The following NUDT9 variants were observed in gnomAD, a reference collection of about 807,000 sequenced individuals.
NUDT9 encodes the protein nudix hydrolase 9, also known as ADP-ribose pyrophosphatase.
Under a neutral mutation model 41.0 loss-of-function variants are expected in NUDT9, and 31 were observed. That is an observed-to-expected ratio of 0.76 (90% CI 0.57 to 1.02). The LOEUF is 1.02. NUDT9 is among the 50% of genes least tolerant of loss of function. The pLI, the probability that NUDT9 is intolerant of heterozygous loss-of-function variation, is 0.00. For synonymous variants in NUDT9, 146 were observed against 147.6 expected (o/e 0.99, Z 0.08); for missense variants, 380 against 431.4 (o/e 0.88, Z 1.06).
At chr4:87,427,261 G>T (rs1721470912) in intron 1 of NUDT9, among the ~76,000 whole-genome samples, 1 of 152,014 alleles carries the variant, frequency 6.6e-6, no homozygotes, top group Admixed American at 6.5e-5. Context: ...GACAATGATT[G>T]TTGCAGATTT....
rs537515713 is a variant in NUDT9, at chr4:87,435,930, T to A, written c.347+710T>A. Among the ~76,000 whole-genome samples the A allele has an allele frequency of 3.0e-4, 46 of 152,340 alleles. 1 individual carries two copies. In the South Asian group the frequency reaches 9.1e-3, roughly 30 times the overall value. ...AAAATAATCTTACATGGTTACCTTT[T>A]TTGTGTGTGTAGTGAGAAGAGTTGA... On this transcript the variant is annotated intron_variant, in intron 2 of 7. Transcript: ENST00000302174.
chr4:87,452,202 C>G (rs1367327695), intron 6 of NUDT9, among the ~76,000 whole-genome samples: 1 of 152,058 alleles, frequency 6.6e-6, no homozygotes, highest in Non-Finnish European at 1.5e-5. Flanking sequence ...AGGGTTTCAC[C>G]ATGTTGGCCA....
chr4:87,452,507 G>T (rs1373079015), intron 6 of NUDT9, among the ~76,000 whole-genome samples: 1 of 152,144 alleles, frequency 6.6e-6, no homozygotes, highest in Non-Finnish European at 1.5e-5. Context: ...AGGCTGGAGT[G>T]CAGTGGTGTT....
chr4:87,454,154 C>T (rs375153668), intron 6 of NUDT9, among the ~76,000 whole-genome samples: 76 of 152,214 alleles, frequency 5.0e-4, no homozygotes, highest in East Asian at 1.9e-3. Flanking sequence ...TGAGCCACCG[C>T]GCCCGGCTAT....
At chr4:87,445,718 T>C (rs1356142200) in intron 4 of NUDT9, among the ~76,000 whole-genome samples, 1 of 152,214 alleles carries the variant, frequency 6.6e-6, no homozygotes, top group African/African-American at 2.4e-5. Context: ...AGTAAATGTT[T>C]ATTAGGTTCG....
rs115801371 is a variant in NUDT9, at chr4:87,425,673, G to A, written c.107+2661G>A. ...GCCTCTCAAAGTGCTGGTGAATACA[G>A]GTGTGAGCCCCCACGCCTGGCCAAG... is the stretch of plus-strand genomic sequence containing the variant. On this transcript the variant is annotated intron_variant, in intron 1 of 7. Coordinates refer to ENST00000302174, the MANE Select transcript of NUDT9 (RefSeq NM_024047.5). 9.7e-3 allele frequency among the ~76,000 whole-genome samples: 1,419 copies of A among 146,248 alleles called. 18 individuals are homozygous for A. Among genetic ancestry groups the A allele is most frequent in the African/African-American group, 0.029 (1,161 of 39,726 alleles).
rs1722710748 is a variant in NUDT9, at chr4:87,451,596, T to C, written c.650T>C (p.Val217Ala). ...CGEWAIPGGMVDPGEKISATL... is the reference protein window; with the variant it reads ...CGEWAIPGGMADPGEKISATL... ...TTTTAATGTGACTCTTAGGGGATGGTGGATCCAGGAGAGAAGATTAGTGCC... is the reference window on the plus strand; with the variant it reads ...TTTTAATGTGACTCTTAGGGGATGGCGGATCCAGGAGAGAAGATTAGTGCC... Residue 217 changes from valine to alanine, a missense_variant, in exon 6 of 8, where the codon GTG becomes GCG. Transcript: ENST00000302174. 4 of 1,611,208 alleles carry C rather than the reference T, an allele frequency of 2.5e-6. No individual in the cohort carries two copies. Among genetic ancestry groups the C allele is most frequent in the Non-Finnish European group, 3.4e-6 (4 of 1,179,248 alleles).
chr4:87,423,447 T>C (rs1560784319), intron 1 of NUDT9, among the ~76,000 whole-genome samples: 1 of 152,168 alleles, frequency 6.6e-6, no homozygotes, highest in Non-Finnish European at 1.5e-5. Context: ...ATATTTACTA[T>C]CTACCTCCTT....
At chr4:87,439,794 G>A (rs1722121615) in intron 3 of NUDT9, among the ~76,000 whole-genome samples, 1 of 152,194 alleles carries the variant, frequency 6.6e-6, no homozygotes, top group Admixed American at 6.5e-5. Flanking sequence ...ATTAAAATTT[G>A]AGGTGAGATT....
chr4:87,453,883 G>A (rs1722869175), intron 6 of NUDT9, among the ~76,000 whole-genome samples: 1 of 135,192 alleles, frequency 7.4e-6, no homozygotes, highest in East Asian at 2.1e-4. Context: ...TTTTGAGACA[G>A]AGTCTCGCTG....
intron 1 of NUDT9, among the ~76,000 whole-genome samples, chr4:87,427,987 C>T (rs1230784935): frequency 6.6e-6 from 1 of 152,026 alleles, no homozygotes; most frequent in Non-Finnish European, 1.5e-5. Flanking sequence ...GTGTAGGTTT[C>T]CTAAACTGTG....
At chr4:87,435,387 A>G (rs886587554) in intron 2 of NUDT9, among the ~76,000 whole-genome samples, 167 bp downstream of exon 2, 1 of 152,206 alleles carries the variant, frequency 6.6e-6, no homozygotes, top group Non-Finnish European at 1.5e-5. Flanking sequence ...TAAACAGTTC[A>G]TATTTGTTTA....
At chr4:87,453,324 A>G (rs567865010) in intron 6 of NUDT9, among the ~76,000 whole-genome samples, 3 of 152,364 alleles carry the variant, frequency 2.0e-5, no homozygotes, top group African/African-American at 7.2e-5. Context: ...TTCAGAAACT[A>G]TAATCACAGA....
chr4:87,448,895 C>A (rs1399750398), intron 4 of NUDT9, among the ~76,000 whole-genome samples: 1 of 151,996 alleles, frequency 6.6e-6, no homozygotes, highest in Non-Finnish European at 1.5e-5. Context: ...TTGTTTATAT[C>A]CTGAATTTTC....
In NUDT9 at chr4:87,457,928, T is replaced by C. The variant is rs769561859; in HGVS notation, c.960T>C (p.Leu320=). The change falls in exon 8 of 8, where the codon CTT becomes CTC. Residue 320 remains leucine, a synonymous_variant. Transcript: ENST00000302174. ...TGGACATCAATGATAAACTGAAGCT[T>C]TATGCCAGTCACTCTCAATTCATCA... ...KWVDINDKLK[L]YASHSQFIKL... is the part of the protein sequence containing the mutation. The C allele has an allele frequency of 6.2e-7, 1 of 1,606,156 alleles. No individual in the cohort carries two copies. The highest frequency in any genetic ancestry group is 1.1e-5 in the South Asian group (1 of 89,894).
chr4:87,456,716 T>A (rs1723006383), intron 7 of NUDT9, among the ~76,000 whole-genome samples: 1 of 152,180 alleles, frequency 6.6e-6, no homozygotes, highest in African/African-American at 2.4e-5. Context: ...GTTGTGATTC[T>A]CTGTATTTGC....
intron 1 of NUDT9, among the ~76,000 whole-genome samples, chr4:87,428,993 T>C (rs1266324892): frequency 2.0e-5 from 3 of 152,168 alleles, no homozygotes; most frequent in African/African-American, 4.8e-5. Flanking sequence ...TCAACTCTTA[T>C]GGAATTGTAC....
At chr4:87,440,616 G>A (rs1219747523) in intron 3 of NUDT9, among the ~76,000 whole-genome samples, 1 of 152,192 alleles carries the variant, frequency 6.6e-6, no homozygotes, top group Non-Finnish European at 1.5e-5. Context: ...GGGAGGCTGA[G>A]GCGGGTGGAT....
chr4:87,444,944 T>G (rs1722380261), intron 4 of NUDT9, among the ~76,000 whole-genome samples: 1 of 152,208 alleles, frequency 6.6e-6, no homozygotes, highest in Admixed American at 6.5e-5. Flanking sequence ...AGTAATGCAT[T>G]AATTAATAAA....
Sources: gnomAD v4.1 joint callset for allele counts (sites outside exome capture counted in the v4.1 genomes callset) on GRCh38, gnomAD v4.1.1 for gene constraint, MANE v1.5 for transcripts, NCBI Gene and HGNC (gene_info 2026-07-23, HGNC 2026-07-21) for gene names.